The following SLC10A7 variants were observed in gnomAD, a reference collection of about 807,000 sequenced individuals.
The protein encoded by SLC10A7 is solute carrier family 10 member 7, also known as sodium/bile acid cotransporter 7.
A neutral mutation model predicts 43.2 loss-of-function variants in SLC10A7; 29 were observed. The ratio of observed to expected loss-of-function variants is 0.67; its 90% CI spans 0.50 to 0.92. The LOEUF is 0.92. SLC10A7 is among the 40% of genes least tolerant of loss of function. SLC10A7 has a pLI of 0.00. For missense variants in SLC10A7, 295 were observed against 403.2 expected, an observed-to-expected ratio of 0.73 and a Z score of 2.30; for synonymous variants, 152 against 144.8, an observed-to-expected ratio of 1.05 and a Z score of -0.35.
chr4:146,490,368 C>T (rs1297651860), intron 4 of SLC10A7, among the ~76,000 whole-genome samples: 2 of 150,402 alleles, frequency 1.3e-5, no homozygotes, highest in African/African-American at 4.9e-5. Flanking sequence ...TTAGGCATAT[C>T]AGTCTAATGG....
Position 146,258,781 on chromosome 4 carries a change from C to T in SLC10A7, c.904G>A (p.Val302Ile). The part of the protein sequence containing the change: ...AGHEHLSLIS[V>I]PLLIYHPAQI... ...GCTGGGTGGTAGATGAGCAAGGGTA[C>T]AGATATTAAAGAGAGATGCTCATGG... The change falls in exon 11 of 12, where the codon GTA becomes ATA. Residue 302 changes from valine to isoleucine, a missense_variant. Val to Ile is a conservative substitution (Grantham distance 29). Transcript: ENST00000335472. 6.2e-7 allele frequency: 1 copy of T among 1,610,126 alleles called. No homozygotes were observed. The highest frequency in any genetic ancestry group is 1.1e-5 in the South Asian group (1 of 90,026).
chr4:146,447,693 A>T (rs1035617615), intron 4 of SLC10A7, among the ~76,000 whole-genome samples: 1 of 151,670 alleles, frequency 6.6e-6, no homozygotes, highest in African/African-American at 2.4e-5. Context: ...TCATATTGAG[A>T]TTTTTTTTAA....
intron 5 of SLC10A7, among the ~76,000 whole-genome samples, chr4:146,436,719 G>A (rs187865509): frequency 9.9e-5 from 15 of 152,218 alleles, no homozygotes; most frequent in Non-Finnish European, 2.1e-4. Context: ...AGGAGAAAGT[G>A]CTTTGTTTGG....
intron 5 of SLC10A7, among the ~76,000 whole-genome samples, chr4:146,362,923 CAAAAG>C (rs145990270): frequency 0.023 from 3,530 of 151,358 alleles, 128 homozygotes; most frequent in African/African-American, 0.081. Context: ...TACTTATAAA[CAAAAG>C]AAAACAGAAA....
chr4:146,391,526 T>A (rs1436120697), intron 5 of SLC10A7, among the ~76,000 whole-genome samples: 1 of 152,186 alleles, frequency 6.6e-6, no homozygotes, highest in African/African-American at 2.4e-5. Context: ...AGCCCCTCAG[T>A]TTTAAAATCT....
intron 5 of SLC10A7, among the ~76,000 whole-genome samples, chr4:146,340,880 C>G (rs1431743900): frequency 6.6e-6 from 1 of 151,830 alleles, no homozygotes; most frequent in African/African-American, 2.4e-5. Flanking sequence ...AAGCAATCAT[C>G]TGGTAAATCA....
At chr4:146,495,206 T>C (rs938959972) in intron 4 of SLC10A7, among the ~76,000 whole-genome samples, 3 of 151,974 alleles carry the variant, frequency 2.0e-5, no homozygotes, top group African/African-American at 7.2e-5. Context: ...TTTTCAGACA[T>C]AAGATTCCTC....
At chr4:146,416,442 C>T (rs1038554071) in intron 5 of SLC10A7, among the ~76,000 whole-genome samples, 2 of 152,102 alleles carry the variant, frequency 1.3e-5, no homozygotes, top group South Asian at 2.1e-4. Context: ...AGCTAGAAAG[C>T]GTGAACACAT....
intron 5 of SLC10A7, among the ~76,000 whole-genome samples, chr4:146,343,418 T>C (rs1270241633): frequency 2.6e-5 from 4 of 152,064 alleles, no homozygotes; most frequent in Admixed American, 2.6e-4. Context: ...ACCTCTTAAG[T>C]CCAACATGTT....
At chr4:146,362,913 T>C (rs893124075) in intron 5 of SLC10A7, among the ~76,000 whole-genome samples, 2 of 151,514 alleles carry the variant, frequency 1.3e-5, no homozygotes, top group Non-Finnish European at 2.9e-5. Flanking sequence ...AGAGAAAAAT[T>C]ACTTATAAAC....
chr4:146,435,985 C>A (rs1224408052), intron 5 of SLC10A7, among the ~76,000 whole-genome samples: 1 of 151,564 alleles, frequency 6.6e-6, no homozygotes, highest in East Asian at 1.9e-4. Flanking sequence ...TAAAATAACT[C>A]CAGTCAATTG....
chr4:146,326,110 A>G, intron 5 of SLC10A7, 114 bp from the exon 6 acceptor site: 3 of 796,678 alleles, frequency 3.8e-6, no homozygotes, highest in Non-Finnish European at 4.0e-6. Context: ...GCTGTTTAAT[A>G]AAATCTAGGA....
chr4:146,283,235 T>C lies in SLC10A7; in HGVS notation c.804A>G (p.Thr268=). ...GTGTAGAACAGAAAATGATAGCCAC[T>C]GTGTCTGCTGGTGTGAAACCCGAAT... ...RNNSGFTPAD[T]VAIIFCSTHK... Residue 268 remains threonine, a synonymous_variant, in exon 10 of 12, where the codon ACA becomes ACG. Coordinates refer to ENST00000335472, the MANE Select transcript of SLC10A7 (RefSeq NM_001029998.6). 1.9e-6 allele frequency: 3 copies of C among 1,613,498 alleles called. No individual in the cohort carries two copies. The highest frequency in any genetic ancestry group is 1.7e-6 in the Non-Finnish European group (2 of 1,179,606).
chr4:146,368,450 T>C (rs1736547555), intron 5 of SLC10A7, among the ~76,000 whole-genome samples: 1 of 152,192 alleles, frequency 6.6e-6, no homozygotes, highest in African/African-American at 2.4e-5. Context: ...TCTCCAAAGC[T>C]GTTGACAACT....
intron 3 of SLC10A7, 56 bp downstream of exon 3, chr4:146,509,857 A>C (rs931728672): frequency 6.4e-5 from 96 of 1,497,550 alleles, no homozygotes; most frequent in Non-Finnish European, 8.4e-5. Flanking sequence ...AGAAACAATA[A>C]TGTCTCTAGA....
chr4:146,315,370 C>T (rs1033362692), intron 6 of SLC10A7, among the ~76,000 whole-genome samples: 10 of 152,020 alleles, frequency 6.6e-5, no homozygotes, highest in African/African-American at 1.4e-4. Context: ...CTGCTAAACA[C>T]AGTATTAGTG....
At chr4:146,456,706 T>C (rs145984454) in intron 4 of SLC10A7, among the ~76,000 whole-genome samples, 78 of 152,040 alleles carry the variant, frequency 5.1e-4, no homozygotes, top group African/African-American at 1.6e-3. Flanking sequence ...CGAGTTTTAA[T>C]TGGTGTCTCA....
At chr4:146,439,596 A>G (rs952468290) in intron 5 of SLC10A7, among the ~76,000 whole-genome samples, 1 of 152,158 alleles carries the variant, frequency 6.6e-6, no homozygotes, top group African/African-American at 2.4e-5. Flanking sequence ...CATTCATGAC[A>G]AAGCTTCAAT....
At chr4:146,288,842 G>A (rs765359798) in intron 9 of SLC10A7, among the ~76,000 whole-genome samples, 3 of 151,764 alleles carry the variant, frequency 2.0e-5, no homozygotes, top group African/African-American at 7.3e-5. Context: ...TGATCACTTT[G>A]CCTTCTCTTG....
Sources: gnomAD v4.1 joint callset for allele counts (sites outside exome capture counted in the v4.1 genomes callset) on GRCh38, gnomAD v4.1.1 for gene constraint, MANE v1.5 for transcripts, NCBI Gene and HGNC (gene_info 2026-07-23, HGNC 2026-07-21) for gene names.